Variants in ENDOU observed in about 807,000 individuals in gnomAD.
The protein encoded by ENDOU is endonuclease, poly(U) specific, also known as uridylate-specific endoribonuclease.
In ENDOU, 49 loss-of-function variants were observed where a neutral mutation model predicts 54.2. The observed-to-expected ratio is 0.90, with a 90% CI of 0.72 to 1.15. The LOEUF (loss-of-function observed/expected upper bound fraction) is 1.15, where lower values mean the gene tolerates loss of function less well. ENDOU is among the 50% of genes most tolerant of loss of function. The pLI is 0.00. For synonymous variants in ENDOU, 172 were observed against 190.5 expected, an observed-to-expected ratio of 0.90 and a Z score of 0.80; for missense variants, 458 against 511.4, an observed-to-expected ratio of 0.90 and a Z score of 1.01.
At chr12:47,715,623 G>A (rs73104184) in intron 6 of ENDOU, among the ~76,000 whole-genome samples, 8,726 of 152,276 alleles carry the variant, frequency 0.057, 316 homozygotes, top group Middle Eastern at 0.092. Flanking sequence ...GGGAAGACCC[G>A]GACAGAGCCA....
intron 2 of ENDOU, chr12:47,719,812 G>C (rs963636182): frequency 3.3e-5 from 5 of 152,282 alleles, no homozygotes; most frequent in Admixed American, 2.0e-4. Flanking sequence ...TTGAAAAAAA[G>C]CTTCCATACG....
intron 1 of ENDOU, among the ~76,000 whole-genome samples, chr12:47,724,898 C>T (rs1287802398): frequency 1.3e-5 from 2 of 152,160 alleles, no homozygotes; most frequent in Non-Finnish European, 2.9e-5. Flanking sequence ...TAAGCCTGCC[C>T]ACCTCCTAAG....
chr12:47,725,266 G>C (rs7967546), intron 1 of ENDOU, 93 bp downstream of exon 1: 1 of 1,393,614 alleles, frequency 7.2e-7, no homozygotes, highest in South Asian at 1.2e-5. Flanking sequence ...CTTGTCCCAC[G>C]GCCCTGCCCT....
chr12:47,721,566 C>T (rs1940434656), intron 1 of ENDOU, among the ~76,000 whole-genome samples: 1 of 152,178 alleles, frequency 6.6e-6, no homozygotes, highest in Admixed American at 6.5e-5. Context: ...TCTGTTCTTT[C>T]CCGTCTTTGG....
At position 47,712,528 on chromosome 12, in the gene ENDOU, G is replaced by C. The variant is rs984885895; in HGVS notation, c.960C>G (p.Ile320Met). 15 of 1,612,838 alleles carry C rather than the reference G, an allele frequency of 9.3e-6. No individual in the cohort carries two copies. The East Asian group carries it at 3.1e-4, about 34-fold the overall frequency. The change falls in exon 8 of 10, where the codon ATC becomes ATG. Residue 320 changes from isoleucine to methionine, a missense_variant. Ile to Met is a conservative substitution (Grantham distance 10). Transcript: ENST00000422538. The stretch of plus-strand genomic sequence containing the variant: ...TCCGTGTACTCACAGGCCCATCGTA[G>C]ATGTGACTGTAATAGTCAACCAGAC... Reference protein sequence around the residue: ...KEGLVDYYSHIYDGPWDSYPD... With the variant: ...KEGLVDYYSHMYDGPWDSYPD...
chr12:47,722,137 G>A (rs1940452087), intron 1 of ENDOU, among the ~76,000 whole-genome samples: 2 of 152,294 alleles, frequency 1.3e-5, no homozygotes, highest in South Asian at 4.1e-4. Flanking sequence ...TTTGTTTGGG[G>A]GCTTGGTTCT....
intron 6 of ENDOU, among the ~76,000 whole-genome samples, chr12:47,714,043 A>G (rs1940139097): frequency 6.6e-6 from 1 of 152,250 alleles, no homozygotes; most frequent in African/African-American, 2.4e-5. Context: ...AAATAGAAAT[A>G]AAACAAAAAA....
At chr12:47,721,618 C>T (rs552550603) in intron 1 of ENDOU, among the ~76,000 whole-genome samples, 79 of 152,262 alleles carry the variant, frequency 5.2e-4, no homozygotes, top group Middle Eastern at 6.8e-3. Flanking sequence ...GGGAATGAGG[C>T]GGGTGCGGGT....
intron 7 of ENDOU, 144 bp downstream of exon 7, chr12:47,713,131 A>G (rs997662396): frequency 1.7e-6 from 1 of 603,588 alleles, no homozygotes. Context: ...CCCCCCTGCC[A>G]TATGGGCAGG....
chr12:47,714,547 G>C (rs536648597), intron 6 of ENDOU, among the ~76,000 whole-genome samples: 1 of 152,352 alleles, frequency 6.6e-6, no homozygotes, highest in East Asian at 1.9e-4. Context: ...AAGTGGGAGT[G>C]ATGGACATTA....
At chr12:47,713,420 G>A in intron 6 of ENDOU, 32 bp from the exon 7 acceptor site, 2 of 1,532,850 alleles carry the variant, frequency 1.3e-6, no homozygotes, top group Non-Finnish European at 9.0e-7. Flanking sequence ...TTTGGAGAGG[G>A]GAGGCAGGGC....
intron 9 of ENDOU, 88 bp from the exon 10 acceptor site, chr12:47,711,007 A>G: frequency 1.2e-6 from 1 of 814,600 alleles, no homozygotes; most frequent in East Asian, 2.6e-5. Context: ...ACTGAAGCAG[A>G]AGGGCTCCAT....
intron 3 of ENDOU, 114 bp downstream of exon 3, chr12:47,718,015 C>T (rs1024527888): frequency 4.2e-6 from 4 of 951,006 alleles, no homozygotes; most frequent in East Asian, 2.6e-5. Flanking sequence ...CAACAAGCCT[C>T]TCTCATCTGG....
chr12:47,718,590 T>TAAACTCTCAGGGC (rs1940337683), intron 2 of ENDOU, among the ~76,000 whole-genome samples: 1 of 152,180 alleles, frequency 6.6e-6, no homozygotes, highest in African/African-American at 2.4e-5. Flanking sequence ...GAGCTCAGGG[T>TAAACTCTCAGGGC]AAACTCTCAG....
Position 47,717,611 on chromosome 12 carries a change from C to G in ENDOU, c.289G>C (p.Ala97Pro). The change falls in exon 4 of 10, where the codon GCC becomes CCC. Residue 97 changes from alanine to proline, a missense_variant. Transcript: ENST00000422538. ...PTSCQGRCYE[A>P]FDKHHQCHCN... is the part of the protein sequence containing the mutation. ...TGACATTGGTGGTGCTTGTCAAAGG[C>G]TTCGTAGCAGCGGCCCTGGCAGGAG... 2 of 1,614,168 alleles carry G rather than the reference C, an allele frequency of 1.2e-6. No homozygotes were observed. Among genetic ancestry groups the G allele is most frequent in the Non-Finnish European group, 1.7e-6 (2 of 1,180,036 alleles).
Position 47,711,880 on chromosome 12 carries a change from G to A in ENDOU, c.973-105C>T. 3.1e-6 allele frequency: 4 copies of A among 1,295,332 alleles called. No individual in the cohort carries two copies. The South Asian group carries it at 5.2e-5, about 17-fold the overall frequency. 80.2% of individuals were successfully genotyped at this position (1,295,332 alleles called of 1,614,324 possible). On this transcript the variant is annotated intron_variant, in intron 8 of 9. Coordinates refer to ENST00000422538, the MANE Select transcript of ENDOU (RefSeq NM_001172439.2). ...GACAGTATTTGTTGAGGGTCCATTA[G>A]GGGCCTGTGTGAACCTTCCAGGGAG...
intron 9 of ENDOU, 80 bp downstream of exon 9, chr12:47,711,553 C>T (rs1201264364): frequency 4.0e-6 from 6 of 1,506,894 alleles, no homozygotes; most frequent in Non-Finnish European, 5.4e-6. Flanking sequence ...GTGGCAGAGT[C>T]CAGGTCTCTT....
At chr12:47,711,464 C>A (rs1234460814) in intron 9 of ENDOU, among the ~76,000 whole-genome samples, 169 bp downstream of exon 9, 1 of 152,196 alleles carries the variant, frequency 6.6e-6, no homozygotes, top group African/African-American at 2.4e-5. Context: ...AGCCACCAAA[C>A]CAATCCAAAA....
chr12:47,710,647 C>T lies in ENDOU; in HGVS notation c.*155G>A, dbSNP rs189312768. On this transcript the variant is annotated 3_prime_UTR_variant, in exon 10 of 10. Transcript: ENST00000422538. ...TTTTTCTAATTTGTACATTTTATCT[C>T]TTTCCCATGTGGGCACTTTGGGATT... 9.1e-4 allele frequency: 584 copies of T among 645,184 alleles called. 6 individuals are homozygous for T. Among genetic ancestry groups the T allele is most frequent in the South Asian group, 7.0e-3 (384 of 55,106 alleles). The allele number at this position is 645,184 out of a possible 1,614,324, so 40.0% of individuals were successfully genotyped here. A position where few individuals can be genotyped will look rare whatever the true frequency, so the allele number is the denominator to read the frequency against.
Sources: allele counts gnomAD v4.1 joint callset (sites outside exome capture counted in the v4.1 genomes callset), GRCh38; gene constraint gnomAD v4.1.1; transcripts MANE v1.5; gene names NCBI Gene and HGNC (gene_info 2026-07-23, HGNC 2026-07-21).